Variants in FIGN observed in about 807,000 individuals in gnomAD.
The protein encoded by FIGN is fidgetin, microtubule severing factor.
A neutral mutation model predicts 51.3 loss-of-function variants in FIGN; 11 were observed. The ratio of observed to expected loss-of-function variants is 0.21; its 90% CI spans 0.13 to 0.35. The LOEUF is 0.35. Among genes scored for constraint, FIGN ranks in the 10% least tolerant of loss-of-function variants. The pLI is 1.00. For synonymous variants in FIGN, 407 were observed against 363.2 expected, an observed-to-expected ratio of 1.12 and a Z score of -1.37; for missense variants, 857 against 943.6, an observed-to-expected ratio of 0.91 and a Z score of 1.20.
intron 2 of FIGN, among the ~76,000 whole-genome samples, chr2:163,613,423 C>T (rs1682809090): frequency 6.6e-6 from 1 of 152,104 alleles, no homozygotes; most frequent in African/African-American, 2.4e-5. Flanking sequence ...TTTCTACCCC[C>T]TTCTGTGCTC....
chr2:163,708,531 G>A (rs972786478), intron 2 of FIGN, among the ~76,000 whole-genome samples: 1 of 152,138 alleles, frequency 6.6e-6, no homozygotes, highest in African/African-American at 2.4e-5. Flanking sequence ...TGGTAATAAA[G>A]TTACTGAAAT....
At chr2:163,683,005 T>C (rs1050397738) in intron 2 of FIGN, among the ~76,000 whole-genome samples, 1 of 152,206 alleles carries the variant, frequency 6.6e-6, no homozygotes, top group African/African-American at 2.4e-5. Flanking sequence ...AACTCTTTTC[T>C]GTTCTAATGA....
rs36027114 is a variant in FIGN at position 163,733,942 on chromosome 2, C to CAA, written c.25+959_25+960dup. Among the ~76,000 whole-genome samples the CAA allele has an allele frequency of 9.0e-3, 905 of 100,118 alleles. 6 individuals are homozygous for CAA. Among genetic ancestry groups the CAA allele is most frequent in the African/African-American group, 0.024 (646 of 26,422 alleles). The allele number at this position is 100,118 out of a possible 152,430, so 65.7% of individuals were successfully genotyped here. ...GTCATGGGGTAAACATAGCAACAAC[C>CAA]AAAAAAAAAAAAAAAAAAAACAGTC... On this transcript the variant is annotated intron_variant, in intron 2 of 2. Transcript: ENST00000333129.
At chr2:163,705,616 T>C (rs1684487404) in intron 2 of FIGN, among the ~76,000 whole-genome samples, 2 of 151,832 alleles carry the variant, frequency 1.3e-5, no homozygotes, top group Non-Finnish European at 2.9e-5. Context: ...ATGTAAACTC[T>C]ATTTTATATT....
chr2:163,696,963 G>A (rs751311687), intron 2 of FIGN, among the ~76,000 whole-genome samples: 1 of 151,092 alleles, frequency 6.6e-6, no homozygotes, highest in East Asian at 1.9e-4. Context: ...GAGCCACAGC[G>A]CCCAGCCATG....
chr2:163,713,291 G>T (rs1335158342), intron 2 of FIGN, among the ~76,000 whole-genome samples: 2 of 152,132 alleles, frequency 1.3e-5, no homozygotes, highest in African/African-American at 4.8e-5. Flanking sequence ...AAACCTTAGT[G>T]AATCAAGTTC....
chr2:163,673,452 A>G (rs1683909838), intron 2 of FIGN, among the ~76,000 whole-genome samples: 1 of 152,082 alleles, frequency 6.6e-6, no homozygotes, highest in South Asian at 2.1e-4. Context: ...CCAAGATTTC[A>G]GTGTACAATG....
At position 163,602,786 on chromosome 2, in the gene FIGN, T is replaced by C. The variant is rs1007510650; in HGVS notation, c.*6766A>G. On this transcript the variant is annotated 3_prime_UTR_variant, in exon 3 of 3. Transcript: ENST00000333129. ...GTTACTACTGAAACTAGTTATTCTATATGAAAACTTAATTTCCCTGTGGTA... is the reference window on the plus strand; with the variant it reads ...GTTACTACTGAAACTAGTTATTCTACATGAAAACTTAATTTCCCTGTGGTA... 6.6e-6 allele frequency: 1 copy of C among 152,084 alleles called. No individual in the cohort carries two copies. Among genetic ancestry groups the C allele is most frequent in the African/African-American group, 2.4e-5 (1 of 41,432 alleles). The allele number at this position is 152,084 out of a possible 1,614,324, so 9.4% of individuals were successfully genotyped here.
intron 2 of FIGN, among the ~76,000 whole-genome samples, chr2:163,620,206 C>T (rs1311238228): frequency 1.3e-5 from 2 of 152,150 alleles, no homozygotes; most frequent in African/African-American, 2.4e-5. Flanking sequence ...GAATTTTAGA[C>T]AATTTATAAT....
At chr2:163,631,288 C>T (rs141429260) in intron 2 of FIGN, among the ~76,000 whole-genome samples, 43 of 152,166 alleles carry the variant, frequency 2.8e-4, no homozygotes, top group African/African-American at 1.0e-3. Context: ...TGATACATAA[C>T]GTAAGCATGT....
chr2:163,679,687 C>G (rs1381463126), intron 2 of FIGN, among the ~76,000 whole-genome samples: 1 of 152,144 alleles, frequency 6.6e-6, no homozygotes, highest in Non-Finnish European at 1.5e-5. Flanking sequence ...TTTAAAGGTT[C>G]AATTTTCCTT....
intron 2 of FIGN, among the ~76,000 whole-genome samples, chr2:163,657,911 C>CCCAGGTTTAATATA (rs1203297694): frequency 1.3e-5 from 2 of 152,174 alleles, no homozygotes; most frequent in African/African-American, 4.8e-5. Flanking sequence ...AGCTCACTTT[C>CCCAGGTTTAATATA]CCAGGTTTAA....
At chr2:163,612,595 A>C (rs1682772670) in intron 2 of FIGN, 1 of 984,844 alleles carries the variant, frequency 1.0e-6, no homozygotes, top group Non-Finnish European at 1.2e-6. Context: ...CTGAAAAAAA[A>C]AACAAGCATC....
chr2:163,613,666 A>G (rs1217082828), intron 2 of FIGN, among the ~76,000 whole-genome samples: 1 of 152,222 alleles, frequency 6.6e-6, no homozygotes, highest in Non-Finnish European at 1.5e-5. Context: ...GTCAAAGAGA[A>G]TCATGCCAGG....
chr2:163,720,364 A>G (rs1179970037), intron 2 of FIGN, among the ~76,000 whole-genome samples: 2 of 152,182 alleles, frequency 1.3e-5, no homozygotes, highest in Non-Finnish European at 2.9e-5. Context: ...ATGGCCGACC[A>G]CTGAATGAAA....
chr2:163,650,796 G>A (rs1247384179), intron 2 of FIGN, among the ~76,000 whole-genome samples: 2 of 152,158 alleles, frequency 1.3e-5, no homozygotes, highest in Non-Finnish European at 2.9e-5. Context: ...ATACTACAGG[G>A]CTTTCCTGTG....
chr2:163,622,417 T>C (rs1027771554), intron 2 of FIGN, among the ~76,000 whole-genome samples: 3 of 152,154 alleles, frequency 2.0e-5, no homozygotes, highest in Non-Finnish European at 4.4e-5. Flanking sequence ...TTCCAGATGG[T>C]CTAAACTATT....
chr2:163,629,914 T>C (rs1573914125), intron 2 of FIGN, among the ~76,000 whole-genome samples: 1 of 150,258 alleles, frequency 6.7e-6, no homozygotes, highest in Non-Finnish European at 1.5e-5. Context: ...ATCAAGAGGA[T>C]GTATGTTTCA....
intron 2 of FIGN, among the ~76,000 whole-genome samples, chr2:163,721,838 TAG>T (rs1349151434): frequency 6.6e-6 from 1 of 152,192 alleles, no homozygotes; most frequent in Admixed American, 6.5e-5. Flanking sequence ...AGAATGACAA[TAG>T]AGTCTTTGTT....
Sources: gnomAD v4.1 joint callset for allele counts (sites outside exome capture counted in the v4.1 genomes callset) on GRCh38, gnomAD v4.1.1 for gene constraint, MANE v1.5 for transcripts, NCBI Gene and HGNC (gene_info 2026-07-23, HGNC 2026-07-21) for gene names.